ABCA9: variants seen among roughly 807,000 people sequenced by gnomAD.
ABCA9 encodes ATP binding cassette subfamily A member 9, also known as ATP-binding cassette sub-family A member 9.
A neutral mutation model predicts 205.3 loss-of-function variants in ABCA9; 183 were observed. That is an observed-to-expected ratio of 0.89 (90% CI 0.79 to 1.01). The LOEUF (loss-of-function observed/expected upper bound fraction) is 1.01. ABCA9 is among the 50% of genes least tolerant of loss of function. The pLI is 0.00. For synonymous variants in ABCA9, 651 were observed against 683.3 expected (o/e 0.95, Z 0.74); for missense variants, 1,805 against 1,912.4 (o/e 0.94, Z 1.05).
the ABCA9 span, among the ~76,000 whole-genome samples, chr17:69,067,751 C>G: frequency 6.6e-6 from 1 of 152,182 alleles, no homozygotes; most frequent in African/African-American, 2.4e-5. Flanking sequence ...CTGGGCTCCT[C>G]AAACATCACC....
chr17:69,025,586 A>C (rs897735368), intron 16 of ABCA9, among the ~76,000 whole-genome samples: 1 of 152,210 alleles, frequency 6.6e-6, no homozygotes, highest in Non-Finnish European at 1.5e-5. Flanking sequence ...TGTAACAAGT[A>C]GTAATGATAG....
chr17:68,991,256 AGAGTTGCAT>A (rs1269857179), intron 28 of ABCA9, among the ~76,000 whole-genome samples: 1 of 152,200 alleles, frequency 6.6e-6, no homozygotes, highest in Non-Finnish European at 1.5e-5. Flanking sequence ...ATTGTGAAGC[AGAGTTGCAT>A]GAGGAAAGGA....
chr17:69,020,671 G>T, intron 18 of ABCA9, 85 bp from the exon 19 acceptor site: 2 of 1,285,990 alleles, frequency 1.6e-6, no homozygotes, highest in Non-Finnish European at 2.2e-6. Context: ...TCCTACAAAG[G>T]TGTCAAAGTT....
Position 69,011,873 on chromosome 17 carries a change from T to C in ABCA9, c.3147+103A>G, listed in dbSNP as rs2070387458. ...GTGCTTGATTATTCATTGCATCAAGTACAAAAATTAGATTTACCACTTGCA... is the reference window on the plus strand; with the variant it reads ...GTGCTTGATTATTCATTGCATCAAGCACAAAAATTAGATTTACCACTTGCA... On this transcript the variant is annotated intron_variant, in intron 23 of 38. Coordinates refer to ENST00000340001, the MANE Select transcript of ABCA9 (RefSeq NM_080283.4). 4 of 617,188 alleles carry C rather than the reference T, an allele frequency of 6.5e-6. No homozygotes were observed. The East Asian group carries it at 9.3e-5, about 14-fold the overall frequency. 38.2% of individuals were successfully genotyped at this position (617,188 alleles called of 1,614,324 possible).
intron 6 of ABCA9, chr17:69,042,835 G>A (rs899956964): frequency 2.0e-5 from 3 of 152,468 alleles, no homozygotes; most frequent in African/African-American, 4.8e-5. Context: ...GAGATCTAAG[G>A]CAGCAGTCCC....
intron 16 of ABCA9, among the ~76,000 whole-genome samples, 161 bp downstream of exon 16, chr17:69,026,216 C>T (rs1191007142): frequency 6.6e-6 from 1 of 152,144 alleles, no homozygotes; most frequent in African/African-American, 2.4e-5. Context: ...CTCATATATC[C>T]TGCATTCTAG....
chr17:69,048,152 C>T (rs1353445018), intron 3 of ABCA9, among the ~76,000 whole-genome samples: 2 of 152,166 alleles, frequency 1.3e-5, no homozygotes, highest in Non-Finnish European at 1.5e-5. Flanking sequence ...CCAATCACTT[C>T]CCTCCCTCAA....
In ABCA9 at chr17:69,007,734, TAATA is replaced by T. The variant is rs757073413; in HGVS notation, c.3435+21_3435+24del. On this transcript the variant is annotated intron_variant, in intron 25 of 38. Coordinates refer to ENST00000340001, the MANE Select transcript of ABCA9 (RefSeq NM_080283.4). ...CTTGGATTTATGAAAAATGGTAAAA[TAATA>T]GGTAGTATATGCATACTCACAATTA... The T allele has an allele frequency of 7.5e-6, 10 of 1,341,980 alleles. No homozygotes were observed. The South Asian group carries it at 1.1e-4, about 15-fold the overall frequency. 83.1% of individuals were successfully genotyped at this position (1,341,980 alleles called of 1,614,324 possible). A position where few individuals can be genotyped will look rare whatever the true frequency, so the allele number is the denominator to read the frequency against.
the ABCA9 span, among the ~76,000 whole-genome samples, chr17:69,067,374 T>G: frequency 6.6e-6 from 1 of 151,688 alleles, no homozygotes. Context: ...GGTGAAACCC[T>G]GTCTCTACAA....
chr17:69,053,546 A>C (rs1176413690), intron 1 of ABCA9, among the ~76,000 whole-genome samples: 1 of 152,234 alleles, frequency 6.6e-6, no homozygotes, highest in African/African-American at 2.4e-5. Flanking sequence ...AATATTAAAA[A>C]ATACTATCAG....
intron 37 of ABCA9, among the ~76,000 whole-genome samples, chr17:68,976,478 CGAT>C (rs1247873093): frequency 6.6e-6 from 1 of 152,170 alleles, no homozygotes; most frequent in East Asian, 1.9e-4. Flanking sequence ...CTGTGCTAGA[CGAT>C]GACCACGTAC....
chr17:68,999,762 G>A lies in ABCA9; in HGVS notation c.3436-3748C>T, dbSNP rs369549383. 3.2e-3 allele frequency among the ~76,000 whole-genome samples: 482 copies of A among 152,070 alleles called. 3 individuals are homozygous for A. Among genetic ancestry groups the A allele is most frequent in the African/African-American group, 0.011 (452 of 41,456 alleles). ...CCACCAACAGTGTAAAAGTGTTCCT[G>A]TTTCTCCACATCCTCTCCAGCACCT... On this transcript the variant is annotated intron_variant, in intron 25 of 38. Transcript: ENST00000340001.
In ABCA9 at chr17:68,984,038, G is replaced by A; in HGVS notation, c.4499+18C>T. The stretch of plus-strand genomic sequence containing the variant: ...CACACAACCTAGGGGCTGAGCGCCG[G>A]CTTGGACAGGCACTCACCTCAGCCT... On this transcript the variant is annotated intron_variant, in intron 35 of 38. Transcript: ENST00000340001. 1 of 1,613,986 alleles carries A rather than the reference G, an allele frequency of 6.2e-7. No homozygotes were observed. Among genetic ancestry groups the A allele is most frequent in the Admixed American group, 1.7e-5 (1 of 59,994 alleles).
At position 69,051,109 on chromosome 17, in the gene ABCA9, C is replaced by T. The variant is rs565520939; in HGVS notation, c.18G>A (p.Met6Ile). The change falls in exon 2 of 39, where the codon ATG becomes ATA. Residue 6 changes from methionine to isoleucine, a missense_variant. Met to Ile is a conservative substitution (Grantham distance 10). Transcript: ENST00000340001. ...GAGCCCATGTTTGCTGACCCACGCT[C>T]ATGCGTCTCTTGCTCATTTTGACCT... MSKRR[M>I]SVGQQTWALL... The T allele has an allele frequency of 1.9e-6, 3 of 1,613,628 alleles. No individual in the cohort carries two copies. The highest frequency in any genetic ancestry group is 1.7e-5 in the Admixed American group (1 of 59,900).
chr17:69,074,492 C>T, the ABCA9 span, among the ~76,000 whole-genome samples: 2 of 152,158 alleles, frequency 1.3e-5, no homozygotes, highest in Non-Finnish European at 2.9e-5. Context: ...TAAGTGAGAA[C>T]ATGTGGTATT....
the ABCA9 span, among the ~76,000 whole-genome samples, chr17:69,075,439 T>C: frequency 6.6e-6 from 1 of 152,078 alleles, no homozygotes; most frequent in East Asian, 1.9e-4. Context: ...AAGGTGGGGG[T>C]CCACTTTGAT....
rs764864926 is a variant in ABCA9 at position 68,990,822 on chromosome 17, A to G, written c.3837+15T>C. On this transcript the variant is annotated intron_variant, in intron 29 of 38. Transcript: ENST00000340001. Reference sequence around the variant, plus strand: ...GAAAAAAAAATAGTTGACGAAGAACATTTCTGAGTTCTACCTCATCAAAGT... The same window carrying G: ...GAAAAAAAAATAGTTGACGAAGAACGTTTCTGAGTTCTACCTCATCAAAGT... The G allele has an allele frequency of 1.4e-5, 22 of 1,597,292 alleles. No individual in the cohort carries two copies. The African/African-American group carries it at 1.8e-4, about 13-fold the overall frequency.
At chr17:69,035,173 G>A (rs1437123892) in intron 8 of ABCA9, 73 bp downstream of exon 8, 2 of 1,240,092 alleles carry the variant, frequency 1.6e-6, no homozygotes, top group South Asian at 2.4e-5. Context: ...CTTAGAGCAT[G>A]TTGTGTGAAT....
At chr17:68,980,261 C>T (rs1020742808) in intron 37 of ABCA9, among the ~76,000 whole-genome samples, 20 of 151,872 alleles carry the variant, frequency 1.3e-4, no homozygotes, top group South Asian at 4.2e-4. Context: ...GTTAGAATGG[C>T]GATCATTAAA....
Sources: allele counts gnomAD v4.1 joint callset (sites outside exome capture counted in the v4.1 genomes callset), GRCh38; gene constraint gnomAD v4.1.1; transcripts MANE v1.5; gene names NCBI Gene and HGNC (gene_info 2026-07-23, HGNC 2026-07-21).